The following DDX52 variants were observed in gnomAD, a reference collection of about 807,000 sequenced individuals.
DDX52 encodes probable ATP-dependent RNA helicase DDX52.
DDX52 carries 59 observed loss-of-function variants against 76.1 expected under a neutral mutation model. The ratio of observed to expected loss-of-function variants is 0.78; its 90% CI spans 0.63 to 0.96. The LOEUF (loss-of-function observed/expected upper bound fraction) is 0.96, where lower values mean the gene tolerates loss of function less well. Ranked by LOEUF, DDX52 falls within the 40% of genes least tolerant of loss-of-function variation. DDX52 has a pLI of 0.00. For synonymous variants in DDX52, 231 were observed against 244.1 expected, an observed-to-expected ratio of 0.95 and a Z score of 0.50; for missense variants, 707 against 703.9, an observed-to-expected ratio of 1.00 and a Z score of -0.05.
chr17:37,617,603 G>A (rs149158873), intron 14 of DDX52, among the ~76,000 whole-genome samples: 30 of 152,288 alleles, frequency 2.0e-4, no homozygotes, highest in African/African-American at 4.3e-4. Context: ...GTGCATCTGC[G>A]TAAGCCTGAG....
intron 9 of DDX52, among the ~76,000 whole-genome samples, chr17:37,622,733 T>C (rs1009301913): frequency 2.6e-5 from 4 of 152,168 alleles, no homozygotes; most frequent in Admixed American, 1.3e-4. Flanking sequence ...CTCCCAAAGC[T>C]CAAACATGGC....
chr17:37,625,797 C>T (rs534347171), intron 8 of DDX52, 98 bp downstream of exon 8: 1 of 1,309,646 alleles, frequency 7.6e-7, no homozygotes, highest in East Asian at 2.4e-5. Context: ...CTCTCCCTTG[C>T]TAGTCTCAGG....
rs75350315 is a variant in DDX52, at chr17:37,614,210, G to A, written c.*86C>T. ...TTTCAAATGTTTGGTACAGGTGACT[G>A]TAAGACTTCAAGTATTCCATGAAAA... On this transcript the variant is annotated 3_prime_UTR_variant, in exon 15 of 15. Transcript: ENST00000617633. 0.021 allele frequency: 28,750 copies of A among 1,382,136 alleles called. 357 individuals carry two copies. Among genetic ancestry groups the A allele is most frequent in the Non-Finnish European group, 0.023 (23,345 of 997,214 alleles). 85.6% of individuals were successfully genotyped at this position (1,382,136 alleles called of 1,614,324 possible).
In DDX52 at chr17:37,628,555, C is replaced by T; in HGVS notation, c.859+6G>A. ...TCTATCTACATCCCATGTATGAATT[C>T]CTTACCAAACTTTTTAGATGATTTA... On this transcript the variant is annotated splice_donor_region_variant and intron_variant, in intron 6 of 14. Transcript: ENST00000617633. 6.2e-7 allele frequency: 1 copy of T among 1,607,782 alleles called. No individual in the cohort carries two copies. The highest frequency in any genetic ancestry group is 8.5e-7 in the Non-Finnish European group (1 of 1,176,222).
At chr17:37,629,892 C>T in intron 5 of DDX52, 138 bp downstream of exon 5, 1 of 1,088,076 alleles carries the variant, frequency 9.2e-7, no homozygotes, top group Non-Finnish European at 1.3e-6. Context: ...AGATCCGGAG[C>T]ACTGTGCTGT....
At chr17:37,640,279 T>C (rs955907294) in intron 2 of DDX52, among the ~76,000 whole-genome samples, 10 of 152,162 alleles carry the variant, frequency 6.6e-5, no homozygotes, top group African/African-American at 9.7e-5. Context: ...AATTATGCAA[T>C]ACACACAATG....
intron 6 of DDX52, 95 bp from the exon 7 acceptor site, chr17:37,626,955 G>T: frequency 3.2e-6 from 3 of 933,994 alleles, no homozygotes; most frequent in Non-Finnish European, 5.0e-6. Context: ...ATAACCTGAA[G>T]TGGGAAGTAG....
At chr17:37,638,241 G>T (rs1396395234) in intron 2 of DDX52, among the ~76,000 whole-genome samples, 1 of 152,206 alleles carries the variant, frequency 6.6e-6, no homozygotes, top group Non-Finnish European at 1.5e-5. Context: ...TGCTTATTAT[G>T]AGAGTGTCTG....
chr17:37,611,976 AAAC>A lies in DDX52; in HGVS notation c.*2317_*2319del, dbSNP rs1464273240. ...TTTCTCAAAAAAAAAAAAAAAAACA[AAAC>A]AAAAAAACTCATAAAGTAAAAGTTA... is the stretch of plus-strand genomic sequence containing the variant. On this transcript the variant is annotated 3_prime_UTR_variant, in exon 15 of 15. Coordinates refer to ENST00000617633, the MANE Select transcript of DDX52 (RefSeq NM_007010.5). The A allele has an allele frequency of 1.3e-5, 2 of 148,988 alleles. No homozygotes were observed. The highest frequency in any genetic ancestry group is 6.7e-5 in the Admixed American group (1 of 14,928). 9.2% of individuals were successfully genotyped at this position (148,988 alleles called of 1,614,324 possible).
chr17:37,620,463 T>C, intron 12 of DDX52: 1 of 169,924 alleles, frequency 5.9e-6, no homozygotes, highest in Non-Finnish European at 1.2e-5. Flanking sequence ...CCAAAATATT[T>C]ACCAAAACTG....
At chr17:37,625,311 C>A (rs2030309287) in intron 8 of DDX52, among the ~76,000 whole-genome samples, 1 of 152,104 alleles carries the variant, frequency 6.6e-6, no homozygotes, top group Non-Finnish European at 1.5e-5. Flanking sequence ...TTCTTATAAA[C>A]AGGAATTTTA....
intron 5 of DDX52, among the ~76,000 whole-genome samples, chr17:37,629,258 CACACACACACACACACACAT>C (rs1295620216): frequency 1.5e-4 from 22 of 149,360 alleles, no homozygotes; most frequent in African/African-American, 5.6e-4. Flanking sequence ...CACACACACA[CACACACACACACACACACAT>C]AGTACTATTA....
In DDX52 at chr17:37,633,307, T is replaced by TC; in HGVS notation, c.397dup (p.Glu133GlyfsTer14). On this transcript the variant is annotated frameshift_variant, in exon 3 of 15. Transcript: ENST00000617633. LOFTEE classifies it high-confidence loss of function. ...TCTAACCTTTTCTTTTCTGAGATTC[T>TC]CCAACTTTCCGGAAGTTAGTTTACT... 6.2e-7 allele frequency: 1 copy of TC among 1,605,758 alleles called. No homozygotes were observed.
chr17:37,621,190 C>T lies in DDX52; in HGVS notation c.1438G>A (p.Gly480Ser), dbSNP rs1173066070. Reference protein sequence around the residue: ...ALLARGIDFKGVNLVINYDFP... With the variant: ...ALLARGIDFKSVNLVINYDFP... The stretch of plus-strand genomic sequence containing the variant: ...TCATAGTTGATCACCAAGTTCACAC[C>T]TTTAAAATCAATCCCTCTTGCTAGC... The change falls in exon 11 of 15, where the codon GGT becomes AGT. Residue 480 changes from glycine (G) to serine (S), a missense_variant. Physicochemically the swap from Gly to Ser is moderately conservative, Grantham distance 56. Transcript: ENST00000617633. 3 of 1,613,892 alleles carry T rather than the reference C, an allele frequency of 1.9e-6. No homozygotes were observed. Among genetic ancestry groups the T allele is most frequent in the African/African-American group, 2.7e-5 (2 of 74,930 alleles).
Position 37,633,391 on chromosome 17 carries a change from G to A in DDX52, c.314C>T (p.Thr105Ile), listed in dbSNP as rs1393010311. The A allele has an allele frequency of 6.3e-7, 1 of 1,585,360 alleles. No individual in the cohort carries two copies. The highest frequency in any genetic ancestry group is 1.2e-5 in the South Asian group (1 of 83,446). Residue 105 changes from threonine to isoleucine, a missense_variant, in exon 3 of 15, where the codon ACT becomes ATT. Transcript: ENST00000617633. ...TTCTACAGATGACATCCACTGTATA[G>A]TAGCACCTTCTTCTTGGGAAGCAAT... ...SEIASQEEGA[T>I]IQWMSSVEAK...
intron 2 of DDX52, among the ~76,000 whole-genome samples, chr17:37,636,756 A>G (rs1006557462): frequency 6.6e-6 from 1 of 152,222 alleles, no homozygotes; most frequent in Non-Finnish European, 1.5e-5. Flanking sequence ...TTAAGAAGGA[A>G]CAAGATAATA....
Position 37,624,364 on chromosome 17 carries a change from C to G in DDX52, c.1207G>C (p.Val403Leu), listed in dbSNP as rs7216445. 3 of 1,607,038 alleles carry G rather than the reference C, an allele frequency of 1.9e-6. No individual in the cohort carries two copies. Among genetic ancestry groups the G allele is most frequent in the Non-Finnish European group, 2.6e-6 (3 of 1,175,812 alleles). Reference sequence around the variant, plus strand: ...TATACCTTTTTAACAAGTTCTCTCACGGCCAGAAGTTTTCCGGTCTCAGAT... The same window carrying G: ...TATACCTTTTTAACAAGTTCTCTCAGGGCCAGAAGTTTTCCGGTCTCAGAT... ...VGSETGKLLA[V>L]RELVKKGFNP... Residue 403 changes from valine to leucine, a missense_variant, in exon 9 of 15, where the codon GTG becomes CTG. Val to Leu is a conservative substitution (Grantham distance 32). Coordinates refer to ENST00000617633, the MANE Select transcript of DDX52 (RefSeq NM_007010.5).
In DDX52 at chr17:37,621,280, G is replaced by A; in HGVS notation, c.1351-3C>T. ...AAACTGTGGACTGTGTTATCTCTCTGGTTAACAGAATATATATTAAATTGT... is the reference window on the plus strand; with the variant it reads ...AAACTGTGGACTGTGTTATCTCTCTAGTTAACAGAATATATATTAAATTGT... On this transcript the variant is annotated splice_region_variant and splice_polypyrimidine_tract_variant and intron_variant, in intron 10 of 14. Coordinates refer to ENST00000617633, the MANE Select transcript of DDX52 (RefSeq NM_007010.5). 6.2e-7 allele frequency: 1 copy of A among 1,605,838 alleles called. No homozygotes were observed. The highest frequency in any genetic ancestry group is 8.5e-7 in the Non-Finnish European group (1 of 1,177,212).
Position 37,620,889 on chromosome 17 carries a change from T to C in DDX52, c.1561A>G (p.Lys521Glu), listed in dbSNP as rs1263827229. ...CTAATTTACCTTCTTAATAATGGCT[T>C]ATCATCCTCAGTGAAAAATGTAATT... ...KAITFFTEDDKPLLRSVANVI... is the reference protein window; with the variant it reads ...KAITFFTEDDEPLLRSVANVI... Residue 521 changes from lysine to glutamate, a missense_variant, in exon 12 of 15, where the codon AAG (lysine) becomes GAG (glutamate). Transcript: ENST00000617633. 1 of 1,593,682 alleles carries C rather than the reference T, an allele frequency of 6.3e-7. No individual in the cohort carries two copies. Among genetic ancestry groups the C allele is most frequent in the Admixed American group, 1.9e-5 (1 of 52,880 alleles).
Sources: allele counts gnomAD v4.1 joint callset (sites outside exome capture counted in the v4.1 genomes callset), GRCh38; gene constraint gnomAD v4.1.1; transcripts MANE v1.5; gene names NCBI Gene and HGNC (gene_info 2026-07-23, HGNC 2026-07-21).